Variants in CLMP observed in about 807,000 individuals in gnomAD.
CLMP encodes CXADR like cell adhesion molecule, also known as CXADR-like membrane protein.
A neutral mutation model predicts 45.2 loss-of-function variants in CLMP; 27 were observed. The observed-to-expected ratio is 0.60, with a 90% CI of 0.44 to 0.82. CLMP has a LOEUF of 0.82. Ranked by LOEUF, CLMP falls within the 40% of genes least tolerant of loss-of-function variation. The pLI is 0.00. For missense variants in CLMP, 403 were observed against 448.4 expected, an observed-to-expected ratio of 0.90 and a Z score of 0.91; for synonymous variants, 167 against 171.4, an observed-to-expected ratio of 0.97 and a Z score of 0.20.
intron 5 of CLMP, among the ~76,000 whole-genome samples, chr11:123,075,835 C>CT (rs1268006455): frequency 2.6e-5 from 4 of 151,848 alleles, no homozygotes; most frequent in African/African-American, 9.7e-5. Context: ...CCTGTTTTCT[C>CT]TAACATCTCT....
chr11:123,136,403 G>A (rs1861071210), intron 1 of CLMP: 1 of 480,296 alleles, frequency 2.1e-6, no homozygotes, highest in Non-Finnish European at 3.9e-6. Flanking sequence ...CCGGTGGCCA[G>A]TTCTAGGGTG....
At position 123,070,277 on chromosome 11, in the gene CLMP, A is replaced by C. The variant is rs1483689804; in HGVS notation, c.*3197T>G. On this transcript the variant is annotated 3_prime_UTR_variant, in exon 7 of 7. Coordinates refer to ENST00000448775, the MANE Select transcript of CLMP (RefSeq NM_024769.5). ...TTTATTTTACTTGCAAAGTCAGTGG[A>C]ATATGGTTTGGAACCAGTAGGGCCT... The C allele has an allele frequency of 1.3e-5, 2 of 152,170 alleles. No homozygotes were observed. The highest frequency in any genetic ancestry group is 4.8e-5 in the African/African-American group (2 of 41,438). 9.4% of individuals were successfully genotyped at this position (152,170 alleles called of 1,614,324 possible).
Position 123,070,980 on chromosome 11 carries a change from G to A in CLMP, c.*2494C>T, listed in dbSNP as rs1865665177. On this transcript the variant is annotated 3_prime_UTR_variant, in exon 7 of 7. Coordinates refer to ENST00000448775, the MANE Select transcript of CLMP (RefSeq NM_024769.5). ...TGTTTTTTGCACTATGTGACGACAC[G>A]ATTGTGAGAATTAAATATAGGAGTG... 6.6e-6 allele frequency: 1 copy of A among 152,156 alleles called. No individual in the cohort carries two copies. Among genetic ancestry groups the A allele is most frequent in the Non-Finnish European group, 1.5e-5 (1 of 68,032 alleles). The allele number at this position is 152,156 out of a possible 1,614,324, so 9.4% of individuals were successfully genotyped here.
At position 123,161,073 on chromosome 11, in the gene CLMP, C is replaced by T. The variant is rs78737917; in HGVS notation, c.28+33840G>A. Among the ~76,000 whole-genome samples the T allele has an allele frequency of 3.4e-3, 511 of 152,002 alleles. 11 individuals carry two copies. The East Asian group carries it at 0.05, about 15-fold the overall frequency. ...TTCCTTGGCCTTCCTTTGACAGCAG[C>T]ACTGGAAAGGGACAGGAAAGGCAAT... On this transcript the variant is annotated intron_variant, in intron 1 of 6. Transcript: ENST00000448775.
At chr11:123,118,928 CT>C (rs773097299) in intron 1 of CLMP, among the ~76,000 whole-genome samples, 15 of 123,784 alleles carry the variant, frequency 1.2e-4, no homozygotes, top group South Asian at 7.9e-4. Context: ...ATTTTCTTTT[CT>C]TTTCTTTCTT....
rs1187298635 is a variant in CLMP, at chr11:123,086,970, G to A, written c.187-2257C>T. On this transcript the variant is annotated intron_variant, in intron 2 of 6. Transcript: ENST00000448775. ...GCATTTTGGGACGCCAAGGCAAGCA[G>A]ATCACTTGAAGTCAGGAGTTTGAGA... 2.0e-5 allele frequency among the ~76,000 whole-genome samples: 3 copies of A among 152,194 alleles called. No individual in the cohort carries two copies. The East Asian group carries it at 5.8e-4, about 29-fold the overall frequency.
chr11:123,116,343 G>T (rs1202794075), intron 1 of CLMP, among the ~76,000 whole-genome samples: 1 of 151,954 alleles, frequency 6.6e-6, no homozygotes, highest in Non-Finnish European at 1.5e-5. Flanking sequence ...GAGACAGGCG[G>T]ATCACCTGAG....
chr11:123,168,756 T>A (rs1471946241), intron 1 of CLMP, among the ~76,000 whole-genome samples: 1 of 152,230 alleles, frequency 6.6e-6, no homozygotes. Flanking sequence ...GGATGCTGCA[T>A]CTTAAGTGTA....
chr11:123,127,595 C>T (rs982947666), intron 1 of CLMP, among the ~76,000 whole-genome samples: 7 of 152,054 alleles, frequency 4.6e-5, no homozygotes, highest in African/African-American at 1.7e-4. Context: ...AGAAAAGGAG[C>T]ACTTCCTTTT....
At chr11:123,074,897 T>G (rs533551997) in intron 5 of CLMP, 54 bp from the exon 6 acceptor site, 51 of 1,566,346 alleles carry the variant, frequency 3.3e-5, no homozygotes, top group Non-Finnish European at 4.2e-5. Flanking sequence ...CTAGGAAATA[T>G]GTTATTAACT....
At chr11:123,136,427 C>T in intron 1 of CLMP, 1 of 399,350 alleles carries the variant, frequency 2.5e-6, no homozygotes, top group Non-Finnish European at 4.4e-6. Flanking sequence ...CCCCCCACCC[C>T]GCCCTCCTTG....
chr11:123,178,540 G>T (rs141529215), intron 1 of CLMP, among the ~76,000 whole-genome samples: 2 of 152,302 alleles, frequency 1.3e-5, no homozygotes, highest in African/African-American at 2.4e-5. Context: ...ATAAAATGGA[G>T]TTATTTGATG....
At chr11:123,130,835 CTTTTCCTTTTTTTTT>C in intron 1 of CLMP, among the ~76,000 whole-genome samples, 1 of 143,670 alleles carries the variant, frequency 7.0e-6, no homozygotes, top group East Asian at 2.1e-4. Flanking sequence ...TCGTTTTTTT[CTTTTCCTTTTTTTTT>C]TTTTTTTTTT....
intron 2 of CLMP, among the ~76,000 whole-genome samples, chr11:123,090,072 A>G (rs1194906719): frequency 2.0e-5 from 3 of 151,678 alleles, no homozygotes; most frequent in Non-Finnish European, 4.4e-5. Context: ...CTGGGCAACA[A>G]GAGTGAAACT....
chr11:123,143,458 C>CT (rs1861193350), intron 1 of CLMP, among the ~76,000 whole-genome samples: 1 of 150,860 alleles, frequency 6.6e-6, no homozygotes, highest in East Asian at 1.9e-4. Flanking sequence ...TTGCAGCAGA[C>CT]TGGAATTAGA....
At chr11:123,187,612 G>A (rs1203800655) in intron 1 of CLMP, among the ~76,000 whole-genome samples, 1 of 152,204 alleles carries the variant, frequency 6.6e-6, no homozygotes, top group Non-Finnish European at 1.5e-5. Flanking sequence ...GGAGTAATAA[G>A]ATACAAACCT....
chr11:123,116,570 A>AAAAT (rs1019638418), intron 1 of CLMP, among the ~76,000 whole-genome samples: 2 of 152,136 alleles, frequency 1.3e-5, no homozygotes, highest in African/African-American at 4.8e-5. Flanking sequence ...CTCCATCTCA[A>AAAAT]AAATAAATAA....
intron 1 of CLMP, among the ~76,000 whole-genome samples, chr11:123,106,412 T>TGC (rs1860552277): frequency 7.8e-6 from 1 of 127,794 alleles, no homozygotes; most frequent in African/African-American, 2.9e-5. Context: ...TGTGTGTGTG[T>TGC]GTGTGTGTGT....
At position 123,170,884 on chromosome 11, in the gene CLMP, G is replaced by A. The variant is rs114258836; in HGVS notation, c.28+24029C>T. ...TTTCTTTATCTGTTCATCACGGGGC[G>A]AGGACTCTGTGCCAGGCACTGGGCA... On this transcript the variant is annotated intron_variant, in intron 1 of 6. Transcript: ENST00000448775. Among the ~76,000 whole-genome samples, 1,426 of 152,308 alleles carry A rather than the reference G, an allele frequency of 9.4e-3. 12 individuals are homozygous for A. Among genetic ancestry groups the A allele is most frequent in the African/African-American group, 0.028 (1,179 of 41,560 alleles).
Sources: allele counts gnomAD v4.1 joint callset (sites outside exome capture counted in the v4.1 genomes callset), GRCh38; gene constraint gnomAD v4.1.1; transcripts MANE v1.5; gene names NCBI Gene and HGNC (gene_info 2026-07-23, HGNC 2026-07-21).